Variants in SRGAP2 observed in about 807,000 individuals in gnomAD.
The protein encoded by SRGAP2 is SLIT-ROBO Rho GTPase-activating protein 2.
SRGAP2 carries 15 observed loss-of-function variants against 57.2 expected under a neutral mutation model. That is an observed-to-expected ratio of 0.26 (90% confidence interval 0.18 to 0.40). The LOEUF is 0.40. Ranked by LOEUF, SRGAP2 falls within the 10% of genes least tolerant of loss-of-function variation. SRGAP2 has a pLI of 1.00. For synonymous variants in SRGAP2, 249 were observed against 248.0 expected, an observed-to-expected ratio of 1.00 and a Z score of -0.04; for missense variants, 520 against 669.6, an observed-to-expected ratio of 0.78 and a Z score of 2.47.
At chr1:206,458,344 C>T (rs775098096) in intron 21 of SRGAP2, 1 of 615,690 alleles carries the variant, frequency 1.6e-6, no homozygotes, top group East Asian at 3.6e-5. Flanking sequence ...TAGAAACCTT[C>T]GCTTAATCAG....
At chr1:206,305,521 C>T (rs1315556321) in intron 3 of SRGAP2, among the ~76,000 whole-genome samples, 1 of 152,252 alleles carries the variant, frequency 6.6e-6, no homozygotes, top group Admixed American at 6.5e-5. Context: ...TGAATTCTTA[C>T]AGCATTTTAT....
chr1:206,378,234 A>C (rs1284589171), intron 4 of SRGAP2, among the ~76,000 whole-genome samples: 6 of 151,802 alleles, frequency 4.0e-5, no homozygotes, highest in African/African-American at 1.2e-4. Context: ...GTTACCAGCT[A>C]CTTGGGAAGC....
At chr1:206,362,836 A>T (rs1553340869) in intron 4 of SRGAP2, among the ~76,000 whole-genome samples, 9 of 151,616 alleles carry the variant, frequency 5.9e-5, no homozygotes, top group Non-Finnish European at 1.3e-4. Context: ...TTGAGTTCTG[A>T]CTCTCTGGGG....
chr1:206,404,668 CTCT>C (rs1405517296), intron 8 of SRGAP2, among the ~76,000 whole-genome samples: 1 of 152,190 alleles, frequency 6.6e-6, no homozygotes, highest in African/African-American at 2.4e-5. Flanking sequence ...AAAATGATGG[CTCT>C]TTGGAAAATG....
At chr1:206,237,344 C>T (rs1344167092) in intron 2 of SRGAP2, among the ~76,000 whole-genome samples, 4 of 152,108 alleles carry the variant, frequency 2.6e-5, no homozygotes, top group Non-Finnish European at 4.4e-5. Flanking sequence ...TTTATGTGGG[C>T]CAGGGCTTTT....
intron 2 of SRGAP2, among the ~76,000 whole-genome samples, chr1:206,278,342 CTTTTTTT>C (rs1327766898): frequency 3.7e-5 from 5 of 134,474 alleles, no homozygotes; most frequent in South Asian, 2.4e-4. Context: ...CTTTCTTCTA[CTTTTTTT>C]TTTTTTTTTT....
chr1:206,248,283 T>C (rs1203556060), intron 2 of SRGAP2, among the ~76,000 whole-genome samples: 7 of 152,218 alleles, frequency 4.6e-5, no homozygotes, highest in African/African-American at 1.4e-4. Context: ...TGTCGCTGTA[T>C]TTTAGATGGG....
chr1:206,364,364 C>T (rs534602399), intron 4 of SRGAP2, among the ~76,000 whole-genome samples: 129 of 142,058 alleles, frequency 9.1e-4, no homozygotes, highest in African/African-American at 2.5e-3. Flanking sequence ...GTGCAGTGCG[C>T]GATCTTGACT....
chr1:206,255,411 T>C (rs1349203809), intron 2 of SRGAP2, among the ~76,000 whole-genome samples: 2 of 137,584 alleles, frequency 1.5e-5, no homozygotes, highest in African/African-American at 2.7e-5. Flanking sequence ...TAGGTCATCA[T>C]GTTGAGTTCC....
At chr1:206,348,213 T>C (rs1370756643) in intron 4 of SRGAP2, among the ~76,000 whole-genome samples, 4 of 151,546 alleles carry the variant, frequency 2.6e-5, no homozygotes, top group Non-Finnish European at 5.9e-5. Context: ...ACAGACTGAC[T>C]TTGTCTAGGA....
intron 14 of SRGAP2, among the ~76,000 whole-genome samples, chr1:206,435,942 A>C (rs1027769470): frequency 1.3e-5 from 2 of 152,196 alleles, no homozygotes; most frequent in East Asian, 1.9e-4. Flanking sequence ...TTGTCTTTAG[A>C]GTAAAGCTGT....
intron 2 of SRGAP2, among the ~76,000 whole-genome samples, chr1:206,292,217 C>T (rs1397743560): frequency 1.3e-5 from 2 of 152,174 alleles, no homozygotes; most frequent in East Asian, 1.9e-4. Context: ...ATATTTCATT[C>T]GTCAATTTCT....
chr1:206,430,107 C>T (rs1218249416), intron 13 of SRGAP2, 55 bp from the exon 14 acceptor site: 1 of 779,442 alleles, frequency 1.3e-6, no homozygotes, highest in African/African-American at 1.7e-5. Context: ...TTTCTCTGAC[C>T]CTGGGCTATC....
intron 15 of SRGAP2, among the ~76,000 whole-genome samples, chr1:206,437,375 G>T (rs1553370445): frequency 6.6e-6 from 1 of 152,198 alleles, no homozygotes; most frequent in Admixed American, 6.5e-5. Flanking sequence ...TAATGCGCTT[G>T]TTCATTGTAG....
chr1:206,419,779 GAGAA>G (rs1409944868), intron 12 of SRGAP2, among the ~76,000 whole-genome samples: 3 of 151,290 alleles, frequency 2.0e-5, no homozygotes, highest in African/African-American at 7.3e-5. Flanking sequence ...CTCTGACCCA[GAGAA>G]AGAAGATCAG....
chr1:206,341,361 C>T (rs1317661174), intron 3 of SRGAP2, among the ~76,000 whole-genome samples: 2 of 152,186 alleles, frequency 1.3e-5, no homozygotes, highest in African/African-American at 2.4e-5. Flanking sequence ...TGACAGTACT[C>T]GCTTTGCAGT....
Position 206,461,643 on chromosome 1 carries a change from G to A in SRGAP2, c.*223G>A, listed in dbSNP as rs1450440630. 2 of 546,556 alleles carry A rather than the reference G, an allele frequency of 3.7e-6. No individual in the cohort carries two copies. The allele number at this position is 546,556 out of a possible 1,614,324, so 33.9% of individuals were successfully genotyped here. A position where few individuals can be genotyped will look rare whatever the true frequency, so the allele number is the denominator to read the frequency against. ...TCCCCCAGTCGTCGTAATTCAGCCA[G>A]CTGCAGTCCGTACCGTTCTTAGGTT... On this transcript the variant is annotated 3_prime_UTR_variant, in exon 23 of 23. Transcript: ENST00000573034.
intron 2 of SRGAP2, chr1:206,207,704 T>C (rs1282510516): frequency 1.4e-5 from 2 of 139,324 alleles, no homozygotes; most frequent in Non-Finnish European, 3.1e-5. Flanking sequence ...TTCCCAGATT[T>C]CTCTCCAGAA....
At chr1:206,249,430 C>T (rs1447917861) in intron 2 of SRGAP2, among the ~76,000 whole-genome samples, 1 of 152,078 alleles carries the variant, frequency 6.6e-6, no homozygotes, top group Non-Finnish European at 1.5e-5. Flanking sequence ...AGAATGAGTT[C>T]ATGTCCTTTG....
Sources: allele counts gnomAD v4.1 joint callset (sites outside exome capture counted in the v4.1 genomes callset), GRCh38; gene constraint gnomAD v4.1.1; transcripts MANE v1.5; gene names NCBI Gene and HGNC (gene_info 2026-07-23, HGNC 2026-07-21).